The following GPC5 variants were observed in gnomAD, a reference collection of about 807,000 sequenced individuals.
GPC5 encodes the protein glypican-5.
A neutral mutation model predicts 53.9 loss-of-function variants in GPC5; 47 were observed. That is an observed-to-expected ratio of 0.87 (90% CI 0.69 to 1.11). The LOEUF (loss-of-function observed/expected upper bound fraction) is 1.11, where lower values mean the gene tolerates loss of function less well. Ranked by LOEUF, GPC5 falls within the 50% of genes most tolerant of loss-of-function variation. The pLI is 0.00. For synonymous variants in GPC5, 286 were observed against 263.3 expected, an observed-to-expected ratio of 1.09 and a Z score of -0.84; for missense variants, 748 against 713.1, an observed-to-expected ratio of 1.05 and a Z score of -0.56.
At chr13:91,914,013 C>CT (rs1158203010) in intron 6 of GPC5, among the ~76,000 whole-genome samples, 2 of 152,128 alleles carry the variant, frequency 1.3e-5, no homozygotes, top group African/African-American at 4.8e-5. Context: ...ATGCGAGAGC[C>CT]TTTTTAATTT....
chr13:92,207,266 C>T (rs1257926958), intron 7 of GPC5, among the ~76,000 whole-genome samples: 1 of 152,184 alleles, frequency 6.6e-6, no homozygotes, highest in East Asian at 1.9e-4. Flanking sequence ...GCTCCATTCA[C>T]TTTCCACCAC....
chr13:91,888,280 A>G (rs1259114118), intron 5 of GPC5, among the ~76,000 whole-genome samples: 1 of 152,166 alleles, frequency 6.6e-6, no homozygotes, highest in Admixed American at 6.6e-5. Context: ...ACCCACTCCC[A>G]TGATTCAATT....
At chr13:92,051,607 G>A (rs529039634) in intron 6 of GPC5, among the ~76,000 whole-genome samples, 4 of 152,176 alleles carry the variant, frequency 2.6e-5, no homozygotes, top group Non-Finnish European at 5.9e-5. Flanking sequence ...GTATCACAGA[G>A]ATTATTGAGA....
chr13:91,667,860 A>C (rs555514897), intron 2 of GPC5, among the ~76,000 whole-genome samples: 18 of 152,272 alleles, frequency 1.2e-4, no homozygotes, highest in Non-Finnish European at 7.4e-5. Context: ...AGAACTAGGC[A>C]ATCTCATCTC....
intron 7 of GPC5, among the ~76,000 whole-genome samples, chr13:92,286,855 G>A (rs976760401): frequency 3.3e-5 from 5 of 151,992 alleles, no homozygotes; most frequent in African/African-American, 1.2e-4. Context: ...TGCACATTGT[G>A]CACATGTACC....
At chr13:91,695,622 G>A (rs1165211124) in intron 3 of GPC5, among the ~76,000 whole-genome samples, 1 of 151,998 alleles carries the variant, frequency 6.6e-6, no homozygotes, top group African/African-American at 2.4e-5. Flanking sequence ...TGACCTGCCC[G>A]CCTCGGCCTC....
intron 2 of GPC5, among the ~76,000 whole-genome samples, chr13:91,493,537 T>G (rs1884053711): frequency 6.6e-6 from 1 of 152,116 alleles, no homozygotes; most frequent in Non-Finnish European, 1.5e-5. Flanking sequence ...CCTTCTACTG[T>G]CTATCTCCAT....
intron 7 of GPC5, among the ~76,000 whole-genome samples, chr13:92,784,663 C>T (rs1876151909): frequency 6.6e-6 from 1 of 152,078 alleles, no homozygotes; most frequent in Non-Finnish European, 1.5e-5. Context: ...TTTCTAGCCA[C>T]TCAATATGGA....
intron 7 of GPC5, among the ~76,000 whole-genome samples, chr13:92,419,082 T>G (rs1379798044): frequency 6.6e-6 from 1 of 152,148 alleles, no homozygotes; most frequent in Non-Finnish European, 1.5e-5. Flanking sequence ...ACTGTCAATT[T>G]CACTCAGGGA....
intron 2 of GPC5, among the ~76,000 whole-genome samples, chr13:91,454,873 C>T (rs1178461158): frequency 6.6e-6 from 1 of 152,086 alleles, no homozygotes; most frequent in Non-Finnish European, 1.5e-5. Flanking sequence ...AATCCTCCAA[C>T]CTCAGCCTCC....
At chr13:92,248,112 G>A (rs1471845006) in intron 7 of GPC5, among the ~76,000 whole-genome samples, 1 of 151,916 alleles carries the variant, frequency 6.6e-6, no homozygotes, top group African/African-American at 2.4e-5. Context: ...AGTCCACAGG[G>A]TGTGATATGG....
At chr13:92,296,564 G>A (rs2043035928) in intron 7 of GPC5, among the ~76,000 whole-genome samples, 1 of 152,080 alleles carries the variant, frequency 6.6e-6, no homozygotes, top group South Asian at 2.1e-4. Context: ...CACTTTGGTG[G>A]CATTTGAGGA....
intron 5 of GPC5, among the ~76,000 whole-genome samples, chr13:91,809,803 A>G (rs2038281698): frequency 6.6e-6 from 1 of 152,024 alleles, no homozygotes; most frequent in African/African-American, 2.4e-5. Context: ...TATGTGAAAA[A>G]TTCTCGTGAA....
At chr13:92,205,179 T>C (rs565554693) in intron 7 of GPC5, among the ~76,000 whole-genome samples, 11 of 152,188 alleles carry the variant, frequency 7.2e-5, no homozygotes, top group Admixed American at 3.3e-4. Flanking sequence ...CACCCGGCCC[T>C]GTTTTGTTTT....
rs183741004 is a variant in GPC5 at position 92,320,485 on chromosome 13, T to G, written c.1561+175496T>G. Among the ~76,000 whole-genome samples the G allele has an allele frequency of 8.0e-4, 122 of 152,288 alleles. 1 individual carries two copies. The highest frequency in any genetic ancestry group is 1.3e-4 in the Non-Finnish European group (9 of 67,990). On this transcript the variant is annotated intron_variant, in intron 7 of 7. Transcript: ENST00000377067. ...TACCTTTCAATCAATGTTATGTCAT[T>G]TTGCTTGTAATTTTTGGCTTTGCTT... is the stretch of plus-strand genomic sequence containing the variant.
At chr13:92,354,776 A>G (rs1301058965) in intron 7 of GPC5, among the ~76,000 whole-genome samples, 1 of 152,162 alleles carries the variant, frequency 6.6e-6, no homozygotes, top group Non-Finnish European at 1.5e-5. Context: ...GGGGAAGAGC[A>G]TTCCAGGCAT....
intron 2 of GPC5, among the ~76,000 whole-genome samples, chr13:91,517,798 C>T (rs1379103950): frequency 6.6e-6 from 1 of 152,188 alleles, no homozygotes; most frequent in Non-Finnish European, 1.5e-5. Flanking sequence ...AGGCGAAAGG[C>T]ACTTCTTACA....
At chr13:92,423,643 G>A (rs1876688522) in intron 7 of GPC5, among the ~76,000 whole-genome samples, 1 of 152,118 alleles carries the variant, frequency 6.6e-6, no homozygotes, top group South Asian at 2.1e-4. Context: ...TTAGCTAAAT[G>A]GTACCAGCTG....
intron 7 of GPC5, among the ~76,000 whole-genome samples, chr13:92,439,349 A>G (rs564903137): frequency 6.6e-6 from 1 of 152,330 alleles, no homozygotes; most frequent in African/African-American, 2.4e-5. Context: ...GGATTTAGTG[A>G]TAAGGGACTC....
Sources: gnomAD v4.1 joint callset for allele counts (sites outside exome capture counted in the v4.1 genomes callset) on GRCh38, gnomAD v4.1.1 for gene constraint, MANE v1.5 for transcripts, NCBI Gene and HGNC (gene_info 2026-07-23, HGNC 2026-07-21) for gene names.